LOC114841035: variants seen among roughly 807,000 people sequenced by gnomAD.
chr11:64,243,106 GC>G, the LOC114841035 span: 1 of 1,120,846 alleles, frequency 8.9e-7, no homozygotes, highest in Non-Finnish European at 1.4e-6. Context: ...CTGTGGGTGG[GC>G]GTGGGGGGGC....
the LOC114841035 span, chr11:64,242,457 G>A: frequency 6.5e-7 from 1 of 1,548,778 alleles, no homozygotes; most frequent in Non-Finnish European, 8.7e-7. Flanking sequence ...CACGGCCACG[G>A]GGGCCGAGGG....
the LOC114841035 span, chr11:64,243,371 A>G: frequency 6.2e-7 from 1 of 1,605,040 alleles, no homozygotes; most frequent in South Asian, 1.1e-5. Context: ...CCCAGGAGGT[A>G]AGCTGTGGGA....
chr11:64,242,636 A>G, the LOC114841035 span: 6 of 1,445,726 alleles, frequency 4.2e-6, no homozygotes, highest in East Asian at 2.6e-5. Flanking sequence ...CTGGTTCTCC[A>G]TAAGCCAGGT....
the LOC114841035 span, among the ~76,000 whole-genome samples, chr11:64,242,932 C>G: frequency 6.6e-6 from 1 of 152,172 alleles, no homozygotes; most frequent in African/African-American, 2.4e-5. Context: ...ATTAGCCAGG[C>G]GTGGTGGCGG....
the LOC114841035 span, among the ~76,000 whole-genome samples, chr11:64,241,428 A>T: frequency 1.4e-5 from 2 of 146,972 alleles, no homozygotes; most frequent in Non-Finnish European, 3.0e-5. Flanking sequence ...GGGTCGGGGG[A>T]CGGAGCCTGG....
chr11:64,243,370 TAAGCTGTGGGAGGC>T, the LOC114841035 span: 1 of 1,604,766 alleles, frequency 6.2e-7, no homozygotes, highest in Non-Finnish European at 8.5e-7. Context: ...GCCCAGGAGG[TAAGCTGTGGGAGGC>T]AAGCCCCAGG....
the LOC114841035 span, chr11:64,243,807 C>T: frequency 6.8e-6 from 11 of 1,613,468 alleles, no homozygotes; most frequent in Non-Finnish European, 9.3e-6. Flanking sequence ...GGAGCTTGGC[C>T]ATCACTGACT....
chr11:64,243,553 G>A, the LOC114841035 span: 3 of 1,595,112 alleles, frequency 1.9e-6, no homozygotes, highest in Non-Finnish European at 1.7e-6. Flanking sequence ...ACTGGGAAGG[G>A]TGAAAGCTGC....
chr11:64,242,996 C>CGGGAGGCAGAGGCTGCA, the LOC114841035 span, among the ~76,000 whole-genome samples: 2 of 152,148 alleles, frequency 1.3e-5, no homozygotes, highest in Admixed American at 1.3e-4. Flanking sequence ...TGCTTGAACC[C>CGGGAGGCAGAGGCTGCA]GGGAGGCAGA....
chr11:64,243,720 C>T, the LOC114841035 span: 1 of 1,397,376 alleles, frequency 7.2e-7, no homozygotes, highest in South Asian at 1.2e-5. Context: ...ACCCCCTTCC[C>T]ATCTCCATTA....
At chr11:64,243,581 C>T in the LOC114841035 span, 12 of 1,524,016 alleles carry the variant, frequency 7.9e-6, no homozygotes, top group South Asian at 1.4e-4. Context: ...TTTCATTGGT[C>T]TTCACCGTAT....
At chr11:64,243,575 A>G in the LOC114841035 span, 8 of 1,544,244 alleles carry the variant, frequency 5.2e-6, no homozygotes, top group Admixed American at 1.7e-5. Context: ...TCAGCTTTTC[A>G]TTGGTCTTCA....
chr11:64,242,505 G>A, the LOC114841035 span: 1 of 1,556,106 alleles, frequency 6.4e-7, no homozygotes, highest in Non-Finnish European at 8.6e-7. Context: ...GAAGCGGGTG[G>A]ACCACTGTCC....
chr11:64,242,049 C>T, the LOC114841035 span: 3 of 233,438 alleles, frequency 1.3e-5, no homozygotes, highest in African/African-American at 4.6e-5. Context: ...AGGGTCTGGA[C>T]TTTGCGTAAA....
the LOC114841035 span, chr11:64,243,491 G>T: frequency 1.2e-6 from 2 of 1,613,796 alleles, no homozygotes; most frequent in African/African-American, 1.3e-5. Flanking sequence ...GATCCCATCC[G>T]AGCTAGGTAA....
the LOC114841035 span, chr11:64,243,205 C>CTGGAAGA: frequency 6.2e-7 from 1 of 1,613,672 alleles, no homozygotes; most frequent in Non-Finnish European, 8.5e-7. Context: ...ACAGGGGAAG[C>CTGGAAGA]TGGAAGATGG....
the LOC114841035 span, chr11:64,242,083 G>C: frequency 3.2e-6 from 1 of 313,834 alleles, no homozygotes; most frequent in Non-Finnish European, 5.9e-6. Flanking sequence ...ACTGAAGAGC[G>C]GAGGTGGGGA....
the LOC114841035 span, chr11:64,243,996 G>A: frequency 1.2e-6 from 2 of 1,614,098 alleles, no homozygotes; most frequent in Non-Finnish European, 1.7e-6. Flanking sequence ...TCGAGGTGGA[G>A]CTGCTCAAAA....
the LOC114841035 span, chr11:64,242,660 C>T: frequency 1.6e-6 from 2 of 1,271,556 alleles, no homozygotes; most frequent in Admixed American, 3.1e-5. Context: ...TGACCTTGGG[C>T]AAGTCCCCTC....
Sources: allele counts gnomAD v4.1 joint callset (sites outside exome capture counted in the v4.1 genomes callset), GRCh38; gene constraint gnomAD v4.1.1; transcripts MANE v1.5.